The following MAPT variants were observed in gnomAD, a reference collection of about 807,000 sequenced individuals.
MAPT encodes microtubule-associated protein tau.
Under a neutral mutation model 67.9 loss-of-function variants are expected in MAPT, and 34 were observed. The observed-to-expected ratio is 0.50, with a 90% CI of 0.38 to 0.67. The LOEUF is 0.67. Ranked by LOEUF, MAPT falls within the 30% of genes least tolerant of loss-of-function variation. The probability of loss-of-function intolerance (pLI) is 0.00; values close to 1 mark genes in which losing one functional copy is unlikely to be tolerated. For synonymous variants in MAPT, 456 were observed against 464.5 expected (o/e 0.98, Z 0.23); for missense variants, 881 against 1,115.2 (o/e 0.79, Z 2.99).
intron 1 of MAPT, among the ~76,000 whole-genome samples, chr17:45,939,632 G>C (rs961325371): frequency 6.6e-6 from 1 of 152,170 alleles, no homozygotes; most frequent in East Asian, 1.9e-4. Flanking sequence ...GGGCTTTTAC[G>C]AGGAGGTTTC....
intron 5 of MAPT, among the ~76,000 whole-genome samples, chr17:45,985,483 G>C (rs2073446056): frequency 6.6e-6 from 1 of 152,096 alleles, no homozygotes; most frequent in African/African-American, 2.4e-5. Context: ...GATTAAAAAA[G>C]AGTTCCATGG....
chr17:46,005,825 T>G (rs2075373392), intron 9 of MAPT, among the ~76,000 whole-genome samples: 1 of 152,194 alleles, frequency 6.6e-6, no homozygotes, highest in Non-Finnish European at 1.5e-5. Flanking sequence ...AAAGTAGTAT[T>G]GTTTTTATTA....
At chr17:45,946,613 A>ATATATATATAT (rs1404779750) in intron 1 of MAPT, among the ~76,000 whole-genome samples, 4 of 97,834 alleles carry the variant, frequency 4.1e-5, no homozygotes, top group Non-Finnish European at 9.4e-5. Context: ...AAAAAAAAAA[A>ATATATATATAT]AAATATATAT....
intron 1 of MAPT, among the ~76,000 whole-genome samples, chr17:45,914,048 G>A (rs879301073): frequency 7.9e-5 from 12 of 151,954 alleles, no homozygotes; most frequent in South Asian, 6.2e-4. Flanking sequence ...ACAGGAAAAG[G>A]ATAAAAAAAG....
At chr17:45,946,615 A>ATATATATAT (rs1555692455) in intron 1 of MAPT, among the ~76,000 whole-genome samples, 2 of 100,406 alleles carry the variant, frequency 2.0e-5, no homozygotes, top group African/African-American at 4.3e-5. Flanking sequence ...AAAAAAAAAA[A>ATATATATAT]ATATATATAT....
intron 8 of MAPT, chr17:45,993,904 C>A: frequency 1.3e-6 from 2 of 1,558,924 alleles, no homozygotes; most frequent in Non-Finnish European, 1.7e-6. Context: ...ATAAGGCTTT[C>A]GTGGATTTTT....
Position 46,024,212 on chromosome 17 carries a change from A to G in MAPT, c.*41A>G, listed in dbSNP as rs1207493514. ...GGTCAATAATTGTGGAGAGGAGAGAATGAGAGAGTGTGGAAAAAAAAAGAA... is the reference window on the plus strand; with the variant it reads ...GGTCAATAATTGTGGAGAGGAGAGAGTGAGAGAGTGTGGAAAAAAAAAGAA... On this transcript the variant is annotated 3_prime_UTR_variant, in exon 13 of 13. Transcript: ENST00000262410. 1.3e-6 allele frequency: 2 copies of G among 1,555,274 alleles called. No individual in the cohort carries two copies. The highest frequency in any genetic ancestry group is 8.9e-7 in the Non-Finnish European group (1 of 1,127,416).
chr17:45,961,067 C>T (rs1009655906), intron 1 of MAPT, among the ~76,000 whole-genome samples: 7 of 152,020 alleles, frequency 4.6e-5, no homozygotes, highest in Admixed American at 2.6e-4. Context: ...GCTTTAGCTG[C>T]AGGTTGAATG....
chr17:45,991,780 C>T (rs2074074886), intron 8 of MAPT, among the ~76,000 whole-genome samples, 194 bp downstream of exon 8: 1 of 151,422 alleles, frequency 6.6e-6, no homozygotes, highest in Non-Finnish European at 1.5e-5. Flanking sequence ...TGAATCCCTA[C>T]CTTTTTTTTT....
At chr17:45,963,678 G>A (rs940610785) in intron 2 of MAPT, among the ~76,000 whole-genome samples, 4 of 152,148 alleles carry the variant, frequency 2.6e-5, no homozygotes, top group African/African-American at 7.2e-5. Context: ...CATGGAAGCC[G>A]TGGAGTTGTG....
At chr17:45,914,616 C>A (rs2065044257) in intron 1 of MAPT, among the ~76,000 whole-genome samples, 1 of 152,176 alleles carries the variant, frequency 6.6e-6, no homozygotes. Flanking sequence ...AATGAGAATG[C>A]AGTTTCAGTG....
chr17:45,929,560 G>T (rs2066659799), intron 1 of MAPT, among the ~76,000 whole-genome samples: 1 of 152,160 alleles, frequency 6.6e-6, no homozygotes. Context: ...GCTCTGAGTA[G>T]TCTTTCCCCA....
chr17:45,923,215 T>A (rs1389774751), intron 1 of MAPT, among the ~76,000 whole-genome samples: 6 of 152,212 alleles, frequency 3.9e-5, no homozygotes, highest in Admixed American at 2.0e-4. Context: ...TCTCTCCACC[T>A]GCTGGATGCT....
At chr17:45,964,975 GC>G (rs375491131) in intron 2 of MAPT, among the ~76,000 whole-genome samples, 1 of 152,110 alleles carries the variant, frequency 6.6e-6, no homozygotes, top group South Asian at 2.1e-4. Context: ...TCTCCCAGCT[GC>G]CCCCCTGGCA....
intron 1 of MAPT, among the ~76,000 whole-genome samples, chr17:45,934,810 C>G (rs1355342629): frequency 6.6e-6 from 1 of 152,164 alleles, no homozygotes; most frequent in Non-Finnish European, 1.5e-5. Flanking sequence ...TCTCTGTTGC[C>G]TTGTCTGCAA....
At chr17:45,991,708 A>G (rs567072587) in intron 8 of MAPT, 122 bp downstream of exon 8, 4 of 1,348,998 alleles carry the variant, frequency 3.0e-6, no homozygotes, top group East Asian at 2.4e-5. Flanking sequence ...AGCAGCTTGC[A>G]GTTTACTAAG....
chr17:46,018,820 G>C, intron 12 of MAPT, 90 bp downstream of exon 12: 2 of 908,076 alleles, frequency 2.2e-6, no homozygotes, highest in Non-Finnish European at 3.7e-6. Context: ...GTTCCCAGAG[G>C]AGGAAAACAG....
rs373471744 is a variant in MAPT at position 45,982,937 on chromosome 17, G to C, written c.358G>C (p.Val120Leu). Residue 120 changes from valine to leucine, a missense_variant, in exon 5 of 13, where the codon GTC (valine) becomes CTC (leucine). Physicochemically the swap from Val to Leu is conservative, Grantham distance 32 (BLOSUM62 1). Around this residue, in one of 6 missense-constraint regions of MAPT, gnomAD observed 687 missense variants for 766.1 expected, o/e 0.90. Coordinates refer to ENST00000262410, the MANE Select transcript of MAPT (RefSeq NM_001377265.1). ...RPLANEISAH[V>L]QPGPCGEASG... Reference sequence around the variant, plus strand: ...CCTGGCCAATGAGATTAGCGCCCACGTCCAGCCTGGACCCTGCGGAGAGGC... The same window carrying C: ...CCTGGCCAATGAGATTAGCGCCCACCTCCAGCCTGGACCCTGCGGAGAGGC... 2.9e-6 allele frequency: 4 copies of C among 1,397,112 alleles called. No individual in the cohort carries two copies. The East Asian group carries it at 1.0e-4, about 36-fold the overall frequency. The allele number at this position is 1,397,112 out of a possible 1,614,324, so 86.5% of individuals were successfully genotyped here.
chr17:45,990,708 G>C (rs528453134), intron 7 of MAPT, among the ~76,000 whole-genome samples: 1 of 152,316 alleles, frequency 6.6e-6, no homozygotes, highest in South Asian at 2.1e-4. Context: ...GGGTAGGACA[G>C]CATCACGCCA....
Sources: allele counts gnomAD v4.1 joint callset (sites outside exome capture counted in the v4.1 genomes callset), GRCh38; gene constraint gnomAD v4.1.1; regional missense constraint gnomAD v4.1.1; transcripts MANE v1.5; gene names NCBI Gene and HGNC (gene_info 2026-07-23, HGNC 2026-07-21).